SLC4A7: variants seen among roughly 807,000 people sequenced by gnomAD.
SLC4A7 encodes sodium bicarbonate cotransporter 3.
A neutral mutation model predicts 137.6 loss-of-function variants in SLC4A7; 51 were observed. The ratio of observed to expected loss-of-function variants is 0.37; its 90% CI spans 0.30 to 0.47. SLC4A7 has a LOEUF of 0.47. SLC4A7 is among the 20% of genes least tolerant of loss of function. SLC4A7 has a pLI of 1.00. For missense variants in SLC4A7, 1,247 were observed against 1,525.4 expected, an observed-to-expected ratio of 0.82 and a Z score of 3.04; for synonymous variants, 542 against 518.6, an observed-to-expected ratio of 1.05 and a Z score of -0.61.
intron 5 of SLC4A7, among the ~76,000 whole-genome samples, chr3:27,435,315 C>T (rs1427032031): frequency 2.0e-5 from 3 of 152,062 alleles, no homozygotes; most frequent in African/African-American, 7.2e-5. Context: ...TTTCTACCTC[C>T]ACATTATCCT....
At chr3:27,483,997 C>T in intron 1 of SLC4A7, 70 bp downstream of exon 1, 2 of 1,196,932 alleles carry the variant, frequency 1.7e-6, no homozygotes, top group Non-Finnish European at 2.1e-6. Flanking sequence ...CCCGCCGCGC[C>T]CCCCGCCTTT....
Position 27,383,141 on chromosome 3 carries a change from G to C in SLC4A7, c.3590+12C>G. On this transcript the variant is annotated intron_variant, in intron 24 of 25. Transcript: ENST00000454389. ...GCATATAAAAGTTTTAGAGCATAAA[G>C]TCATATCTCACCTATATTTTAGGGC... 6.5e-7 allele frequency: 1 copy of C among 1,535,004 alleles called. No homozygotes were observed. The highest frequency in any genetic ancestry group is 9.0e-7 in the Non-Finnish European group (1 of 1,110,310).
At chr3:27,469,482 C>T (rs572408449) in intron 1 of SLC4A7, among the ~76,000 whole-genome samples, 7 of 152,238 alleles carry the variant, frequency 4.6e-5, no homozygotes, top group South Asian at 2.1e-4. Context: ...GAGCAGCTCA[C>T]AGAACTCACA....
chr3:27,469,800 G>A (rs1228157272), intron 1 of SLC4A7, among the ~76,000 whole-genome samples: 3 of 152,184 alleles, frequency 2.0e-5, no homozygotes, highest in Admixed American at 2.0e-4. Flanking sequence ...AGCCATTGCT[G>A]AGGTGCTAAG....
At chr3:27,450,660 A>G (rs71323286) in intron 2 of SLC4A7, among the ~76,000 whole-genome samples, 2,596 of 152,246 alleles carry the variant, frequency 0.017, 42 homozygotes, top group Non-Finnish European at 0.024. Flanking sequence ...TGCAGTTTAG[A>G]AAGAAAGGGA....
rs1480903984 is a variant in SLC4A7 at position 27,411,766 on chromosome 3, C to A, written c.1660-18G>T. 2 of 1,391,750 alleles carry A rather than the reference C, an allele frequency of 1.4e-6. No individual in the cohort carries two copies. The highest frequency in any genetic ancestry group is 2.8e-5 in the South Asian group (2 of 70,738). 86.2% of individuals were successfully genotyped at this position (1,391,750 alleles called of 1,614,324 possible). On this transcript the variant is annotated intron_variant, in intron 11 of 25. Coordinates refer to ENST00000454389, the MANE Select transcript of SLC4A7 (RefSeq NM_001321103.2). ...CTCTTTTCCTGAATTTCACAAAAAACATTATTTTCAGAATTCTATTTTAAG... is the reference window on the plus strand; with the variant it reads ...CTCTTTTCCTGAATTTCACAAAAAAAATTATTTTCAGAATTCTATTTTAAG...
At chr3:27,455,162 A>G (rs2058326689) in intron 1 of SLC4A7, among the ~76,000 whole-genome samples, 1 of 152,202 alleles carries the variant, frequency 6.6e-6, no homozygotes, top group African/African-American at 2.4e-5. Flanking sequence ...AATGAAACAA[A>G]AATGTGTGTC....
intron 3 of SLC4A7, among the ~76,000 whole-genome samples, chr3:27,447,898 G>A (rs928414608): frequency 1.3e-4 from 19 of 151,692 alleles, no homozygotes; most frequent in Admixed American, 3.3e-4. Flanking sequence ...AAAATCTTCT[G>A]GCCAAAACTG....
chr3:27,471,196 T>C (rs2059231354), intron 1 of SLC4A7, among the ~76,000 whole-genome samples: 1 of 152,234 alleles, frequency 6.6e-6, no homozygotes, highest in Admixed American at 6.5e-5. Context: ...CTAACACTTA[T>C]AATCCACTAA....
chr3:27,451,979 A>T (rs1481479431), intron 2 of SLC4A7, among the ~76,000 whole-genome samples: 1 of 152,150 alleles, frequency 6.6e-6, no homozygotes, highest in African/African-American at 2.4e-5. Flanking sequence ...AGATGGGCAA[A>T]TAACTCAGTT....
Position 27,437,418 on chromosome 3 carries a change from C to A in SLC4A7, c.398G>T (p.Gly133Val). ...TEMDELCYRD[G>V]EEYEWKETAR... ...AGTTTCTTTCCATTCATATTCTTCT[C>A]CATCTCTGTAACACAGTTCATCCAT... is the stretch of plus-strand genomic sequence containing the variant. The change falls in exon 4 of 26, where the codon GGA becomes GTA. Residue 133 changes from glycine to valine, a missense_variant. Gly to Val is a moderately radical substitution (Grantham distance 109). Transcript: ENST00000454389. 6.3e-7 allele frequency: 1 copy of A among 1,595,364 alleles called. No individual in the cohort carries two copies. The highest frequency in any genetic ancestry group is 1.1e-5 in the South Asian group (1 of 87,988).
chr3:27,403,524 T>C, intron 14 of SLC4A7, 140 bp from the exon 15 acceptor site: 1 of 519,422 alleles, frequency 1.9e-6, no homozygotes, highest in Non-Finnish European at 3.4e-6. Context: ...CAAAATAACA[T>C]CTAGAAATAA....
intron 20 of SLC4A7, among the ~76,000 whole-genome samples, chr3:27,393,937 T>G (rs1423234695): frequency 6.6e-6 from 1 of 152,192 alleles, no homozygotes; most frequent in East Asian, 1.9e-4. Context: ...TCCTTTATAC[T>G]CTTAAAAATT....
chr3:27,423,593 A>G (rs567035924), intron 8 of SLC4A7: 2 of 152,900 alleles, frequency 1.3e-5, no homozygotes, highest in East Asian at 3.9e-4. Context: ...GTGACATTCC[A>G]AAAGTACTGA....
chr3:27,379,473 A>G (rs868029686), intron 24 of SLC4A7, 117 bp from the exon 25 acceptor site: 5 of 579,280 alleles, frequency 8.6e-6, no homozygotes, highest in Non-Finnish European at 9.2e-6. Context: ...AGATATCAGA[A>G]TTTGAATTCT....
chr3:27,392,378 T>G (rs2051654692), intron 20 of SLC4A7, among the ~76,000 whole-genome samples: 2 of 152,076 alleles, frequency 1.3e-5, no homozygotes, highest in South Asian at 4.2e-4. Flanking sequence ...ATCCATTTAC[T>G]CAAAACCACA....
chr3:27,476,453 T>C (rs114228731), intron 1 of SLC4A7, among the ~76,000 whole-genome samples: 17 of 152,350 alleles, frequency 1.1e-4, no homozygotes, highest in Non-Finnish European at 2.1e-4. Flanking sequence ...ACATATTACT[T>C]GACTAAACAA....
intron 7 of SLC4A7, among the ~76,000 whole-genome samples, chr3:27,430,648 G>A (rs1454940774): frequency 6.6e-6 from 1 of 150,838 alleles, no homozygotes; most frequent in South Asian, 2.1e-4. Context: ...GGCCAGCATG[G>A]TGAAAACATG....
chr3:27,441,463 C>T (rs2057186831), intron 3 of SLC4A7, among the ~76,000 whole-genome samples: 1 of 152,150 alleles, frequency 6.6e-6, no homozygotes. Context: ...TTTTAGACTA[C>T]ACATTTAATG....
Sources: allele counts gnomAD v4.1 joint callset (sites outside exome capture counted in the v4.1 genomes callset), GRCh38; gene constraint gnomAD v4.1.1; transcripts MANE v1.5; gene names NCBI Gene and HGNC (gene_info 2026-07-23, HGNC 2026-07-21).